The following TMEM132B variants were observed in gnomAD, a reference collection of about 807,000 sequenced individuals.
The protein encoded by TMEM132B is transmembrane protein 132B.
In TMEM132B, 18 loss-of-function variants were observed where a neutral mutation model predicts 90.8. The observed-to-expected ratio is 0.20, with a 90% CI of 0.14 to 0.29. The LOEUF (loss-of-function observed/expected upper bound fraction) is 0.29. Ranked by LOEUF, TMEM132B falls within the 10% of genes least tolerant of loss-of-function variation. The probability of loss-of-function intolerance (pLI) is 1.00; values close to 1 mark genes in which losing one functional copy is unlikely to be tolerated. For missense variants in TMEM132B, 1,096 were observed against 1,326.8 expected, an observed-to-expected ratio of 0.83 and a Z score of 2.70; for synonymous variants, 504 against 523.3, an observed-to-expected ratio of 0.96 and a Z score of 0.50.
chr12:125,408,470 G>A lies in TMEM132B; in HGVS notation c.960-7061G>A, dbSNP rs1294931656. Reference sequence around the variant, plus strand: ...CATGCGAGGACACAGCATGACAGCCGCATCTATAAAAAAGCAAGCTCTCAC... The same window carrying A: ...CATGCGAGGACACAGCATGACAGCCACATCTATAAAAAAGCAAGCTCTCAC... On this transcript the variant is annotated intron_variant, in intron 2 of 8. Transcript: ENST00000682704. This position sits in a 1 kb window ranked among gnomAD's most constrained non-coding sequence, Gnocchi z 5.9. Among the ~76,000 whole-genome samples, 3 of 152,116 alleles carry A rather than the reference G, an allele frequency of 2.0e-5. No individual in the cohort carries two copies. Among genetic ancestry groups the A allele is most frequent in the African/African-American group, 4.8e-5 (2 of 41,418 alleles).
At chr12:125,226,138 C>G (rs1297611994) in intron 1 of TMEM132B, among the ~76,000 whole-genome samples, 2 of 152,186 alleles carry the variant, frequency 1.3e-5, no homozygotes, top group Admixed American at 1.3e-4. Flanking sequence ...CATTTAAATG[C>G]AGCAGCAGCA....
chr12:125,559,884 C>T (rs182191946), intron 4 of TMEM132B, among the ~76,000 whole-genome samples: 1 of 152,124 alleles, frequency 6.6e-6, no homozygotes, highest in Non-Finnish European at 1.5e-5. Flanking sequence ...TGTTCCGAGT[C>T]CACCTGGAAA....
intron 5 of TMEM132B, among the ~76,000 whole-genome samples, chr12:125,625,618 T>C (rs1226832696): frequency 3.9e-5 from 6 of 152,250 alleles, no homozygotes; most frequent in Non-Finnish European, 7.3e-5. Context: ...ACATCTGCTA[T>C]AAACATTCAC....
At chr12:125,306,878 C>A (rs534042826) in intron 1 of TMEM132B, among the ~76,000 whole-genome samples, 33 of 152,350 alleles carry the variant, frequency 2.2e-4, no homozygotes, top group African/African-American at 7.9e-4. Flanking sequence ...TTGGTCATTC[C>A]CATTACCTCT....
At chr12:125,382,057 C>T (rs1461089941) in intron 2 of TMEM132B, among the ~76,000 whole-genome samples, 3 of 152,172 alleles carry the variant, frequency 2.0e-5, no homozygotes, top group African/African-American at 7.2e-5. Context: ...AGATGCCCAA[C>T]ATCCCTTTTA....
intron 1 of TMEM132B, among the ~76,000 whole-genome samples, chr12:125,240,305 A>G (rs963300653): frequency 1.3e-5 from 2 of 152,136 alleles, no homozygotes; most frequent in Admixed American, 6.5e-5. Flanking sequence ...TGTCATTTCC[A>G]TGGCATCCGT....
chr12:125,420,518 G>A (rs439053), intron 3 of TMEM132B, among the ~76,000 whole-genome samples: 4,483 of 151,670 alleles, frequency 0.03, 233 homozygotes, highest in African/African-American at 0.1. Flanking sequence ...CAGAGCAGGG[G>A]GATCCTGGGC....
intron 3 of TMEM132B, among the ~76,000 whole-genome samples, chr12:125,507,362 T>G (rs964414840): frequency 6.6e-6 from 1 of 152,142 alleles, no homozygotes; most frequent in African/African-American, 2.4e-5. Context: ...TACAATCTAG[T>G]GGACAGAAAT....
At position 125,273,759 on chromosome 12, in the gene TMEM132B, G is replaced by A. The variant is rs552132382; in HGVS notation, c.68-75693G>A. On this transcript the variant is annotated intron_variant, in intron 1 of 8. Transcript: ENST00000682704. ...TGGCTCACTGCAAGCTCTGTCTCCC[G>A]AGTTCAAGTGATTCTCCCGCCTCAG... Among the ~76,000 whole-genome samples the A allele has an allele frequency of 4.6e-5, 7 of 152,266 alleles. No individual in the cohort carries two copies. In the East Asian group the frequency reaches 1.4e-3, roughly 29 times the overall value.
chr12:125,491,319 G>A lies in TMEM132B; in HGVS notation c.1107-28120G>A, dbSNP rs1208309255. 2.6e-5 allele frequency among the ~76,000 whole-genome samples: 4 copies of A among 151,358 alleles called. No individual in the cohort carries two copies. The East Asian group carries it at 7.7e-4, about 29-fold the overall frequency. ...TTAAAAAATTTATTTATTTAGAGAT[G>A]GGGTCTCACTCTGTTGCCCAGGCTT... is the stretch of plus-strand genomic sequence containing the variant. On this transcript the variant is annotated intron_variant, in intron 3 of 8. Coordinates refer to ENST00000682704, the MANE Select transcript of TMEM132B (RefSeq NM_001366854.1).
At chr12:125,552,262 A>G (rs1884246688) in intron 4 of TMEM132B, among the ~76,000 whole-genome samples, 1 of 152,244 alleles carries the variant, frequency 6.6e-6, no homozygotes, top group Non-Finnish European at 1.5e-5. Flanking sequence ...ACAGGATTGC[A>G]AATGAGAAAG....
chr12:125,530,862 G>C (rs1211392), intron 4 of TMEM132B, among the ~76,000 whole-genome samples: 91,497 of 151,876 alleles, frequency 0.6, 28,912 homozygotes, highest in East Asian at 0.86. Flanking sequence ...ATTTCCAAAT[G>C]AGGTCACATC....
intron 2 of TMEM132B, among the ~76,000 whole-genome samples, chr12:125,413,539 T>C (rs138092491): frequency 1.3e-5 from 2 of 152,354 alleles, no homozygotes; most frequent in Non-Finnish European, 2.9e-5. Flanking sequence ...ACCACCAGTC[T>C]ACTTTCTGTC....
intron 1 of TMEM132B, among the ~76,000 whole-genome samples, chr12:125,247,040 C>T (rs1874222210): frequency 6.6e-6 from 1 of 152,160 alleles, no homozygotes. Context: ...GGACCCTCCC[C>T]TATGCAGGAA....
At chr12:125,309,879 T>G (rs1244568056) in intron 1 of TMEM132B, among the ~76,000 whole-genome samples, 1 of 152,140 alleles carries the variant, frequency 6.6e-6, no homozygotes, top group African/African-American at 2.4e-5. Flanking sequence ...TTTGGTCCAC[T>G]TGTTGTCATC....
rs1252246426 is a variant in TMEM132B, at chr12:125,520,085, C to G, written c.1293+460C>G. On this transcript the variant is annotated intron_variant, in intron 4 of 8. Coordinates refer to ENST00000682704, the MANE Select transcript of TMEM132B (RefSeq NM_001366854.1). The stretch of plus-strand genomic sequence containing the variant: ...CTGAAAGAGCCTTGCTGGGAACTGA[C>G]CACTTTAAGCTGGGTAGAGCCCCAG... Among the ~76,000 whole-genome samples, 3 of 152,152 alleles carry G rather than the reference C, an allele frequency of 2.0e-5. No individual in the cohort carries two copies. The East Asian group carries it at 5.8e-4, about 29-fold the overall frequency.
intron 3 of TMEM132B, among the ~76,000 whole-genome samples, chr12:125,417,056 A>G (rs1373734817): frequency 6.6e-6 from 1 of 152,210 alleles, no homozygotes; most frequent in Non-Finnish European, 1.5e-5. Flanking sequence ...TGGTGAATCC[A>G]GCAGCACAAC....
chr12:125,552,815 T>G (rs192279521), intron 4 of TMEM132B, among the ~76,000 whole-genome samples: 1 of 152,382 alleles, frequency 6.6e-6, no homozygotes, highest in South Asian at 2.1e-4. Context: ...TGTCAGTAGA[T>G]GAAGCCACTC....
At chr12:125,643,949 C>T (rs781344243) in intron 5 of TMEM132B, 127 bp from the exon 6 acceptor site, 14 of 765,706 alleles carry the variant, frequency 1.8e-5, no homozygotes, top group Non-Finnish European at 2.8e-5. Flanking sequence ...TGTACAAGTT[C>T]TGTTCATTGG....
Sources: allele counts gnomAD v4.1 joint callset (sites outside exome capture counted in the v4.1 genomes callset), GRCh38; gene constraint gnomAD v4.1.1; non-coding constraint Gnocchi (gnomAD v3.1); transcripts MANE v1.5; gene names NCBI Gene and HGNC (gene_info 2026-07-23, HGNC 2026-07-21).